Variants in PRRC2B observed in about 807,000 individuals in gnomAD.
PRRC2B encodes proline rich coiled-coil 2B, also known as protein PRRC2B.
Under a neutral mutation model 242.3 loss-of-function variants are expected in PRRC2B, and 68 were observed. That is an observed-to-expected ratio of 0.28 (90% CI 0.23 to 0.34). The LOEUF (loss-of-function observed/expected upper bound fraction) is 0.34, where lower values mean the gene tolerates loss of function less well. PRRC2B is among the 10% of genes least tolerant of loss of function. The pLI is 1.00. For synonymous variants in PRRC2B, 1,228 were observed against 1,173.6 expected (o/e 1.05, Z -0.95); for missense variants, 2,835 against 2,954.8 (o/e 0.96, Z 0.94).
At chr9:131,433,875 T>C (rs1564282745) in intron 3 of PRRC2B, among the ~76,000 whole-genome samples, 1 of 152,216 alleles carries the variant, frequency 6.6e-6, no homozygotes. Context: ...GCTAGATGAT[T>C]ATAAAGTAGT....
At chr9:131,431,164 T>G (rs903411045) in intron 2 of PRRC2B, among the ~76,000 whole-genome samples, 1 of 152,080 alleles carries the variant, frequency 6.6e-6, no homozygotes, top group African/African-American at 2.4e-5. Context: ...GGAGTCTCAC[T>G]CTGTCATGCA....
chr9:131,376,185 C>G (rs186470624), intron 1 of PRRC2B, among the ~76,000 whole-genome samples: 4 of 151,668 alleles, frequency 2.6e-5, no homozygotes, highest in Non-Finnish European at 5.9e-5. Context: ...AACCCCGTCT[C>G]TACTAAAAAT....
Position 131,484,920 on chromosome 9 carries a change from A to G in PRRC2B, c.5566-28A>G, listed in dbSNP as rs1191666222. On this transcript the variant is annotated intron_variant, in intron 24 of 31. Coordinates refer to ENST00000683519, the MANE Select transcript of PRRC2B (RefSeq NM_013318.4). ...CACTGCCAGCGTGATAGTAATTTTC[A>G]TCCCTCCCCCTCCCCTTGCTTCTGA... 5 of 1,593,298 alleles carry G rather than the reference A, an allele frequency of 3.1e-6. No homozygotes were observed. In the South Asian group the frequency reaches 4.5e-5, roughly 14 times the overall value.
chr9:131,476,174 G>A lies in PRRC2B; in HGVS notation c.4045G>A (p.Asp1349Asn), dbSNP rs750687608. 4.3e-6 allele frequency: 7 copies of A among 1,613,366 alleles called. No individual in the cohort carries two copies. In the African/African-American group the frequency reaches 9.3e-5, roughly 22 times the overall value. ...WPGRPKLCSG[D>N]KSGTVGRRSP... ...AGGCAGGCCCAAACTGTGTTCTGGG[G>A]ACAAGAGTGGCACTGTGGGCCGCAG... is the stretch of plus-strand genomic sequence containing the variant. Residue 1349 changes from aspartate to asparagine, a missense_variant, in exon 16 of 32, where the codon GAC (aspartate) becomes AAC (asparagine). Asp to Asn is a conservative substitution (Grantham distance 23). Coordinates refer to ENST00000683519, the MANE Select transcript of PRRC2B (RefSeq NM_013318.4).
chr9:131,392,132 T>G (rs1220562805), upstream of PRRC2B, among the ~76,000 whole-genome samples: 1 of 151,266 alleles, frequency 6.6e-6, no homozygotes, highest in Non-Finnish European at 1.5e-5. Context: ...GGAGTCTCAC[T>G]CTGTCACCCA....
At chr9:131,430,698 G>C (rs115658418) in intron 2 of PRRC2B, among the ~76,000 whole-genome samples, 1,525 of 151,690 alleles carry the variant, frequency 0.01, 23 homozygotes, top group Non-Finnish European at 0.013. Context: ...GCTCAAGCGA[G>C]TCTCTTGCCT....
chr9:131,447,310 A>G, intron 8 of PRRC2B, 104 bp downstream of exon 8: 1 of 1,424,286 alleles, frequency 7.0e-7, no homozygotes, highest in Non-Finnish European at 9.6e-7. Flanking sequence ...CCTGGAGACC[A>G]CAGAGAACTT....
intron 1 of PRRC2B, among the ~76,000 whole-genome samples, chr9:131,411,919 G>C (rs938487614): frequency 4.6e-5 from 7 of 151,874 alleles, no homozygotes; most frequent in Admixed American, 3.9e-4. Context: ...ATTCAAGGGA[G>C]TCTCCCAAGT....
At chr9:131,438,967 C>G in intron 4 of PRRC2B, 22 bp from the exon 5 acceptor site, 2 of 1,599,434 alleles carry the variant, frequency 1.3e-6, no homozygotes, top group Non-Finnish European at 1.7e-6. Flanking sequence ...TGGCCCTCTT[C>G]TGATTCTCTT....
chr9:131,420,496 T>TCCC (rs59621148), intron 1 of PRRC2B, among the ~76,000 whole-genome samples: 3 of 75,936 alleles, frequency 4.0e-5, no homozygotes, highest in African/African-American at 1.6e-4. Flanking sequence ...TTTCTTTCTT[T>TCCC]TTTTTTTTTT....
At position 131,476,266 on chromosome 9, in the gene PRRC2B, A is replaced by G; in HGVS notation, c.4137A>G (p.Glu1379=). The G allele has an allele frequency of 6.2e-7, 1 of 1,611,338 alleles. No homozygotes were observed. Among genetic ancestry groups the G allele is most frequent in the Non-Finnish European group, 8.5e-7 (1 of 1,178,770 alleles). Residue 1379 remains glutamate (E), a synonymous_variant, in exon 16 of 32, where the codon GAA becomes GAG. Coordinates refer to ENST00000683519, the MANE Select transcript of PRRC2B (RefSeq NM_013318.4). ...ATGAGGAGTGGGAGACGGCCTCCGA[A>G]AGCAGCGACTTCAGCGAGCGGCGGG... ...HANEEWETAS[E]SSDFSERRER...
rs1319148513 is a variant in PRRC2B at position 131,491,511 on chromosome 9, C to T, written c.6312C>T (p.Leu2104=). 1.2e-6 allele frequency: 2 copies of T among 1,612,520 alleles called. No individual in the cohort carries two copies. Among genetic ancestry groups the T allele is most frequent in the East Asian group, 4.5e-5 (2 of 44,862 alleles). The change falls in exon 29 of 32, where the codon CTC becomes CTT. Residue 2104 remains leucine (L), a synonymous_variant. Coordinates refer to ENST00000683519, the MANE Select transcript of PRRC2B (RefSeq NM_013318.4). ...QSIQLPPGQS[L]SVGAPRRIPP... is the part of the protein sequence containing the mutation. ...TTCAGCTGCCACCTGGGCAGAGCCT[C>T]TCCGTTGGGGCCCCCCGAAGGATTC...
chr9:131,393,716 G>A (rs1249146716), upstream of PRRC2B, among the ~76,000 whole-genome samples: 2 of 104,274 alleles, frequency 1.9e-5, no homozygotes, highest in East Asian at 2.8e-4. Flanking sequence ...CCCTCTTTCC[G>A]GGCGCCCTTC....
intron 1 of PRRC2B, among the ~76,000 whole-genome samples, chr9:131,382,121 A>G (rs186205085): frequency 6.6e-6 from 1 of 152,176 alleles, no homozygotes; most frequent in Non-Finnish European, 1.5e-5. Context: ...GGTTCAAGCA[A>G]TTCTTCTGCC....
chr9:131,489,184 C>CTTT (rs558036228), intron 28 of PRRC2B, among the ~76,000 whole-genome samples: 54 of 131,638 alleles, frequency 4.1e-4, no homozygotes, highest in African/African-American at 1.4e-3. Context: ...CTCCAAAATT[C>CTTT]TTTTTTTTTT....
chr9:131,457,164 A>C (rs1943106029), intron 10 of PRRC2B, among the ~76,000 whole-genome samples: 2 of 152,250 alleles, frequency 1.3e-5, no homozygotes, highest in African/African-American at 4.8e-5. Context: ...GACACACAAA[A>C]AATGAAATTC....
chr9:131,482,187 G>A lies in PRRC2B; in HGVS notation c.4984-184G>A, dbSNP rs1943889544. Among the ~76,000 whole-genome samples the A allele has an allele frequency of 1.3e-5, 2 of 152,232 alleles. No individual in the cohort carries two copies. The highest frequency in any genetic ancestry group is 2.9e-5 in the Non-Finnish European group (2 of 68,050). The stretch of plus-strand genomic sequence containing the variant: ...ATCCTGTGGTCACGAGCTCTATCGG[G>A]GTTGGTGTGTTTGGCCACACGTAAG... On this transcript the variant is annotated intron_variant, in intron 20 of 31. Transcript: ENST00000683519. This position sits in a 1 kb window ranked among gnomAD's most constrained non-coding sequence, Gnocchi z 5.2.
Position 131,446,746 on chromosome 9 carries a change from G to GT in PRRC2B, c.855+106dup. 1 of 1,326,376 alleles carries GT rather than the reference G, an allele frequency of 7.5e-7. No individual in the cohort carries two copies. Among genetic ancestry groups the GT allele is most frequent in the South Asian group, 1.4e-5 (1 of 71,462 alleles). 82.2% of individuals were successfully genotyped at this position (1,326,376 alleles called of 1,614,324 possible). On this transcript the variant is annotated intron_variant, in intron 7 of 31. Coordinates refer to ENST00000683519, the MANE Select transcript of PRRC2B (RefSeq NM_013318.4). This position sits in a 1 kb window ranked among gnomAD's most constrained non-coding sequence, Gnocchi z 4.1. ...CCCCTTGGGGTCTCCTCTTGGCCCT[G>GT]TTACCCTACTTCTGAGGCTTCCACT...
intron 12 of PRRC2B, among the ~76,000 whole-genome samples, chr9:131,467,309 G>A (rs746074617): frequency 6.6e-6 from 1 of 152,252 alleles, no homozygotes. Flanking sequence ...TGTGACCCTG[G>A]ACGTCATCTA....
Sources: gnomAD v4.1 joint callset for allele counts (sites outside exome capture counted in the v4.1 genomes callset) on GRCh38, gnomAD v4.1.1 for gene constraint, Gnocchi (gnomAD v3.1) non-coding constraint, MANE v1.5 for transcripts, NCBI Gene and HGNC (gene_info 2026-07-23, HGNC 2026-07-21) for gene names.